CSMD1: variants seen among roughly 807,000 people sequenced by gnomAD.
CSMD1 encodes CUB and Sushi multiple domains 1.
Under a neutral mutation model 417.5 loss-of-function variants are expected in CSMD1, and 213 were observed. The ratio of observed to expected loss-of-function variants is 0.51; its 90% CI spans 0.46 to 0.57. CSMD1 has a LOEUF of 0.57. CSMD1 is among the 20% of genes least tolerant of loss of function. CSMD1 has a pLI of 0.00. For missense variants in CSMD1, 6,923 were observed against 4,529.7 expected (o/e 1.53, Z -15.17); for synonymous variants, 2,862 against 1,736.8 (o/e 1.65, Z -16.11).
chr8:4,311,490 A>G (rs1030946954), intron 3 of CSMD1, among the ~76,000 whole-genome samples: 1 of 152,148 alleles, frequency 6.6e-6, no homozygotes, highest in Non-Finnish European at 1.5e-5. Flanking sequence ...CAGAAGGCCA[A>G]GTTGGGCAGA....
chr8:3,649,835 T>C (rs1797757631), intron 7 of CSMD1, among the ~76,000 whole-genome samples: 2 of 152,224 alleles, frequency 1.3e-5, no homozygotes, highest in South Asian at 2.1e-4. Flanking sequence ...GATTTTGCAA[T>C]ACCTTGCTAG....
chr8:4,467,942 A>G (rs1484601276), intron 2 of CSMD1, among the ~76,000 whole-genome samples: 1 of 152,174 alleles, frequency 6.6e-6, no homozygotes, highest in Non-Finnish European at 1.5e-5. Context: ...TTCCTGAACT[A>G]ACAAAGTAAT....
At chr8:3,290,851 T>G (rs1343181098) in intron 25 of CSMD1, among the ~76,000 whole-genome samples, 1 of 151,688 alleles carries the variant, frequency 6.6e-6, no homozygotes, top group African/African-American at 2.4e-5. Flanking sequence ...GGCCGGAACT[T>G]CCAACACTAT....
intron 5 of CSMD1, among the ~76,000 whole-genome samples, chr8:3,820,168 G>C (rs532226329): frequency 1.3e-5 from 2 of 152,146 alleles, no homozygotes; most frequent in Non-Finnish European, 2.9e-5. Context: ...CTTGCACAAA[G>C]TGCTCTCCAA....
At chr8:4,333,071 A>G (rs1029624632) in intron 3 of CSMD1, among the ~76,000 whole-genome samples, 3 of 152,142 alleles carry the variant, frequency 2.0e-5, no homozygotes, top group Non-Finnish European at 2.9e-5. Flanking sequence ...GTTTCATAGA[A>G]ATACTACTTT....
chr8:3,456,239 C>T (rs576953469), intron 12 of CSMD1, among the ~76,000 whole-genome samples: 2 of 152,110 alleles, frequency 1.3e-5, no homozygotes, highest in Admixed American at 6.6e-5. Flanking sequence ...AAAGGGAATT[C>T]CCTGACCGCT....
At chr8:3,768,860 T>C (rs932328820) in intron 5 of CSMD1, among the ~76,000 whole-genome samples, 6 of 152,186 alleles carry the variant, frequency 3.9e-5, no homozygotes, top group African/African-American at 1.2e-4. Flanking sequence ...ATGCACAGGC[T>C]CTAGGAAATG....
At chr8:3,623,145 T>C (rs768382691) in intron 7 of CSMD1, among the ~76,000 whole-genome samples, 1 of 152,222 alleles carries the variant, frequency 6.6e-6, no homozygotes, top group Non-Finnish European at 1.5e-5. Context: ...ATTAGACAGT[T>C]TGTAAAAGAG....
intron 6 of CSMD1, among the ~76,000 whole-genome samples, chr8:3,708,721 A>C (rs1585111188): frequency 1.3e-5 from 2 of 152,304 alleles, no homozygotes; most frequent in South Asian, 2.1e-4. Context: ...TCGGAAGCTA[A>C]AAATAATACG....
At chr8:3,706,536 C>G (rs1250269187) in intron 7 of CSMD1, among the ~76,000 whole-genome samples, 21 of 152,086 alleles carry the variant, frequency 1.4e-4, no homozygotes, top group Admixed American at 1.4e-3. Context: ...ACGCTAATAC[C>G]AAATGAGTCA....
intron 5 of CSMD1, among the ~76,000 whole-genome samples, chr8:3,789,035 T>A (rs144604321): frequency 4.6e-5 from 7 of 152,348 alleles, no homozygotes; most frequent in African/African-American, 1.7e-4. Context: ...GATGCTATGT[T>A]CTGAATGTTT....
intron 3 of CSMD1, among the ~76,000 whole-genome samples, chr8:4,225,784 G>A (rs1251192558): frequency 6.6e-6 from 1 of 152,114 alleles, no homozygotes; most frequent in East Asian, 1.9e-4. Context: ...TCTATTCAGA[G>A]TGAAATTAAT....
chr8:4,767,319 C>G (rs1173601223), intron 1 of CSMD1, among the ~76,000 whole-genome samples: 1 of 152,186 alleles, frequency 6.6e-6, no homozygotes, highest in East Asian at 1.9e-4. Flanking sequence ...AGAAAATAGA[C>G]ATTTATTTTC....
intron 1 of CSMD1, among the ~76,000 whole-genome samples, chr8:4,863,688 A>G (rs1802264588): frequency 6.6e-6 from 1 of 152,110 alleles, no homozygotes; most frequent in African/African-American, 2.4e-5. Flanking sequence ...TGCATATCTT[A>G]GATTTAATTA....
intron 1 of CSMD1, among the ~76,000 whole-genome samples, chr8:4,991,273 A>G (rs1468855997): frequency 1.3e-5 from 2 of 152,308 alleles, no homozygotes; most frequent in South Asian, 2.1e-4. Context: ...ATAGGCATTT[A>G]AAGAGAAAGG....
intron 7 of CSMD1, among the ~76,000 whole-genome samples, chr8:3,693,052 T>C (rs1488162389): frequency 6.6e-6 from 1 of 152,156 alleles, no homozygotes; most frequent in African/African-American, 2.4e-5. Flanking sequence ...TTAAAGTTCT[T>C]CTTAGTAATA....
intron 2 of CSMD1, among the ~76,000 whole-genome samples, chr8:4,552,212 G>A (rs944325167): frequency 2.6e-5 from 4 of 152,044 alleles, no homozygotes; most frequent in Admixed American, 2.0e-4. Context: ...TATGTAGCTT[G>A]GTCTCAATGT....
chr8:3,887,772 C>A (rs536097343), intron 5 of CSMD1, among the ~76,000 whole-genome samples: 228 of 152,302 alleles, frequency 1.5e-3, no homozygotes, highest in Middle Eastern at 3.4e-3. Context: ...CCTAAATGAA[C>A]TGAGTGTGTG....
intron 7 of CSMD1, among the ~76,000 whole-genome samples, chr8:3,686,885 G>C (rs991209732): frequency 6.6e-6 from 1 of 152,044 alleles, no homozygotes; most frequent in African/African-American, 2.4e-5. Context: ...TTCTTATGTC[G>C]ATTTCATTCT....
Sources: allele counts gnomAD v4.1 joint callset (sites outside exome capture counted in the v4.1 genomes callset), GRCh38; gene constraint gnomAD v4.1.1; transcripts MANE v1.5; gene names NCBI Gene and HGNC (gene_info 2026-07-23, HGNC 2026-07-21).